Variants in NDST2 observed in about 807,000 individuals in gnomAD.
The protein encoded by NDST2 is N-deacetylase and N-sulfotransferase 2.
A neutral mutation model predicts 86.9 loss-of-function variants in NDST2; 32 were observed. The ratio of observed to expected loss-of-function variants is 0.37; its 90% CI spans 0.28 to 0.49. The LOEUF (loss-of-function observed/expected upper bound fraction) is 0.49, where lower values mean the gene tolerates loss of function less well. NDST2 is among the 20% of genes least tolerant of loss of function. The pLI is 0.97. For synonymous variants in NDST2, 409 were observed against 437.0 expected (o/e 0.94, Z 0.80); for missense variants, 950 against 1,146.9 (o/e 0.83, Z 2.48).
intron 1 of NDST2, among the ~76,000 whole-genome samples, chr10:73,811,238 GT>G (rs2084237710): frequency 6.6e-6 from 1 of 152,122 alleles, no homozygotes; most frequent in Non-Finnish European, 1.5e-5. Context: ...CGACTCCGGG[GT>G]GACATCGAGA....
In NDST2 at chr10:73,807,814, T is replaced by C. The variant is rs1163250528; in HGVS notation, c.575A>G (p.His192Arg). ...AQLKGFPLFL[H>R]SNLGLRDYQV... ...GTAGTCCCGGAGCCCCAAGTTTGAG[T>C]GTAAAAAAAGGGGAAAGCCCTTGAG... Residue 192 changes from histidine (H) to arginine (R), a missense_variant, in exon 3 of 15, where the codon CAC (histidine) becomes CGC (arginine). This residue lies in a region of NDST2 where 586 missense variants were observed against 714.0 expected (regional missense o/e 0.82). Transcript: ENST00000309979. 2 of 1,613,390 alleles carry C rather than the reference T, an allele frequency of 1.2e-6. No homozygotes were observed. Among genetic ancestry groups the C allele is most frequent in the Non-Finnish European group, 8.5e-7 (1 of 1,179,894 alleles).
chr10:73,808,032 A>C lies in NDST2; in HGVS notation c.357T>G (p.Pro119=). ...SRFRYSTELA[P]GRGDMPTLTD... is the part of the protein sequence containing the mutation. The stretch of plus-strand genomic sequence containing the variant: ...TCAATGTGGGCATGTCCCCTCGGCC[A>C]GGTGCCAACTCAGTGCTATAACGAA... The change falls in exon 3 of 15, where the codon CCT becomes CCG. Residue 119 remains proline, a synonymous_variant. Coordinates refer to ENST00000309979, the MANE Select transcript of NDST2 (RefSeq NM_003635.4). This position sits in a 1 kb window ranked among gnomAD's most constrained non-coding sequence, Gnocchi z 4.3. The C allele has an allele frequency of 6.2e-7, 1 of 1,614,134 alleles. No individual in the cohort carries two copies. The highest frequency in any genetic ancestry group is 8.5e-7 in the Non-Finnish European group (1 of 1,180,008).
At position 73,807,653 on chromosome 10, in the gene NDST2, GA is replaced by G; in HGVS notation, c.735del (p.Arg246GlyfsTer70). ...CCTGGCACTGCGGGCTCAGCTGGCC[GA>G]AGGCTGGCAAGAAGCACTGGTTCAT... ...STYEPVLLAS[L>X]RPAEPAVPGP... is the part of the protein sequence containing the mutation. On this transcript the variant is annotated frameshift_variant, in exon 3 of 15. Coordinates refer to ENST00000309979, the MANE Select transcript of NDST2 (RefSeq NM_003635.4). LOFTEE classifies it high-confidence loss of function. The G allele has an allele frequency of 6.2e-7, 1 of 1,614,234 alleles. No individual in the cohort carries two copies.
rs1363831402 is a variant in NDST2 at position 73,802,418 on chromosome 10, G to A, written c.*33C>T. The A allele has an allele frequency of 6.2e-7, 1 of 1,611,246 alleles. No homozygotes were observed. Among genetic ancestry groups the A allele is most frequent in the African/African-American group, 1.3e-5 (1 of 74,874 alleles). ...TCTGGACCTGCCCCTTAGGGAAGCA[G>A]GGGGCATTTTGCTGGTATGGGAGGC... On this transcript the variant is annotated 3_prime_UTR_variant, in exon 15 of 15. Coordinates refer to ENST00000309979, the MANE Select transcript of NDST2 (RefSeq NM_003635.4).
chr10:73,807,977 C>T lies in NDST2; in HGVS notation c.412G>A (p.Val138Ile). The T allele has an allele frequency of 6.2e-7, 1 of 1,614,272 alleles. No individual in the cohort carries two copies. Among genetic ancestry groups the T allele is most frequent in the Non-Finnish European group, 8.5e-7 (1 of 1,180,056 alleles). ...TACTTGAGCAGGTTCTCATAAATGA[C>T]CAAGACATAGCGGCCATGGGTATTA... Reference protein sequence around the residue: ...TDNTHGRYVLVIYENLLKYVN... With the variant: ...TDNTHGRYVLIIYENLLKYVN... The change falls in exon 3 of 15, where the codon GTC (valine) becomes ATC (isoleucine). Residue 138 changes from valine to isoleucine, a missense_variant. Around this residue, in one of 5 missense-constraint regions of NDST2, gnomAD observed 586 missense variants for 714.0 expected, o/e 0.82. Transcript: ENST00000309979.
At chr10:73,810,154 A>G (rs1350038026) in intron 2 of NDST2, among the ~76,000 whole-genome samples, 1 of 152,172 alleles carries the variant, frequency 6.6e-6, no homozygotes, top group African/African-American at 2.4e-5. Context: ...CAGAATTGAC[A>G]GAGATGATTT....
intron 2 of NDST2, chr10:73,810,563 G>T: frequency 5.6e-6 from 2 of 358,044 alleles, no homozygotes; most frequent in Admixed American, 4.7e-5. Context: ...TGACGGGAAG[G>T]GGTGAATGCT....
At chr10:73,804,086 T>A in intron 9 of NDST2, 70 bp from the exon 10 acceptor site, 1 of 1,559,958 alleles carries the variant, frequency 6.4e-7, no homozygotes, top group African/African-American at 1.4e-5. Context: ...AGCATAAGCT[T>A]GAAGGAAGTG....
chr10:73,806,168 C>CTACCCCCAATTATG lies in NDST2; in HGVS notation c.1434+107_1434+120dup, dbSNP rs2084098816. On this transcript the variant is annotated intron_variant, in intron 6 of 14. Coordinates refer to ENST00000309979, the MANE Select transcript of NDST2 (RefSeq NM_003635.4). The surrounding 1 kb of genome is among the most constrained non-coding windows in gnomAD (Gnocchi z 4.5). ...AGGGTGTTAAAATTTTTTCACCTTT[C>CTACCCCCAATTATG]TACCCCCAATTATGTACCCCCATAC... The CTACCCCCAATTATG allele has an allele frequency of 6.5e-7, 1 of 1,532,620 alleles. No individual in the cohort carries two copies. Among genetic ancestry groups the CTACCCCCAATTATG allele is most frequent in the Middle Eastern group, 2.2e-4 (1 of 4,544 alleles). The allele number at this position is 1,532,620 out of a possible 1,614,324, so 94.9% of individuals were successfully genotyped here. A position where few individuals can be genotyped will look rare whatever the true frequency, so the allele number is the denominator to read the frequency against.
In NDST2 at chr10:73,808,437, G is replaced by A; in HGVS notation, c.-49C>T. ...GAATGGGGACCACCTCAGGGGATGG[G>A]AGGTAGGAGTTCTATAGGCTAGGAC... On this transcript the variant is annotated 5_prime_UTR_variant, in exon 3 of 15. Transcript: ENST00000309979. The surrounding 1 kb of genome is among the most constrained non-coding windows in gnomAD (Gnocchi z 4.3). The A allele has an allele frequency of 2.6e-6, 4 of 1,512,946 alleles. No homozygotes were observed. The highest frequency in any genetic ancestry group is 3.6e-6 in the Non-Finnish European group (4 of 1,122,824). The allele number at this position is 1,512,946 out of a possible 1,614,324, so 93.7% of individuals were successfully genotyped here. A position where few individuals can be genotyped will look rare whatever the true frequency, so the allele number is the denominator to read the frequency against.
rs368269367 is a variant in NDST2 at position 73,807,636 on chromosome 10, T to A, written c.753A>T (p.Ala251=). 11 of 1,614,098 alleles carry A rather than the reference T, an allele frequency of 6.8e-6. No homozygotes were observed. Among genetic ancestry groups the A allele is most frequent in the Non-Finnish European group, 9.3e-6 (11 of 1,180,034 alleles). The change falls in exon 3 of 15, where the codon GCA becomes GCT. Residue 251 remains alanine, a synonymous_variant. Transcript: ENST00000309979. ...CCCGACGAAGAACTGGTCCTGGCAC[T>A]GCGGGCTCAGCTGGCCGAAGGCTGG... ...LLASLRPAEP[A]VPGPVLRRAR... is the part of the protein sequence containing the mutation.
At chr10:73,803,166 G>A in intron 12 of NDST2, 23 bp downstream of exon 12, 2 of 1,613,888 alleles carry the variant, frequency 1.2e-6, no homozygotes, top group Non-Finnish European at 1.7e-6. Flanking sequence ...GAACCCCACT[G>A]AGGGCTCTTG....
Position 73,802,503 on chromosome 10 carries a change from T to C in NDST2, c.2600A>G (p.Gln867Arg). The C allele has an allele frequency of 1.9e-6, 3 of 1,613,982 alleles. No individual in the cohort carries two copies. The highest frequency in any genetic ancestry group is 2.5e-6 in the Non-Finnish European group (3 of 1,180,034). ...ELSKLLSRLG[Q>R]PVPSWLREEL... ...TTCCCGAAGCCACGAGGGCACTGGC[T>C]GTCCAAGCCGGCTCAGCAGCTTCGA... The change falls in exon 15 of 15, where the codon CAG becomes CGG. Residue 867 changes from glutamine to arginine, a missense_variant. Coordinates refer to ENST00000309979, the MANE Select transcript of NDST2 (RefSeq NM_003635.4).
chr10:73,802,886 G>A (rs756783058), intron 13 of NDST2, 86 bp downstream of exon 13: 16 of 1,499,166 alleles, frequency 1.1e-5, no homozygotes, highest in Non-Finnish European at 1.2e-5. Flanking sequence ...TTGTGAGACA[G>A]AGTAAATCTA....
At chr10:73,803,519 T>TGGGGTGGGG in intron 11 of NDST2, 55 bp downstream of exon 11, 1 of 565,898 alleles carries the variant, frequency 1.8e-6, no homozygotes, top group Non-Finnish European at 3.4e-6. Context: ...GCAGTCACTG[T>TGGGGTGGGG]CCCCTCCCCC....
chr10:73,804,986 C>T (rs527967414), intron 8 of NDST2, 117 bp from the exon 9 acceptor site: 8 of 539,856 alleles, frequency 1.5e-5, no homozygotes, highest in Admixed American at 9.8e-5. Context: ...CTGCAACCTC[C>T]GCCTCCTGGG....
chr10:73,809,374 C>G (rs2084159520), intron 2 of NDST2, among the ~76,000 whole-genome samples: 1 of 152,202 alleles, frequency 6.6e-6, no homozygotes, highest in African/African-American at 2.4e-5. Flanking sequence ...TTACCCGTTG[C>G]TTGTGAAACA....
At chr10:73,804,104 A>C in intron 9 of NDST2, 88 bp from the exon 10 acceptor site, 1 of 1,510,720 alleles carries the variant, frequency 6.6e-7, no homozygotes. Context: ...GTGAAAAAAT[A>C]ACCACTCTGG....
intron 9 of NDST2, among the ~76,000 whole-genome samples, chr10:73,804,569 G>A (rs1214662518): frequency 6.6e-6 from 1 of 152,084 alleles, no homozygotes; most frequent in Non-Finnish European, 1.5e-5. Flanking sequence ...CCTGGGAGGT[G>A]GAGGTTGTAG....
Sources: allele counts gnomAD v4.1 joint callset (sites outside exome capture counted in the v4.1 genomes callset), GRCh38; gene constraint gnomAD v4.1.1; regional missense constraint gnomAD v4.1.1; non-coding constraint Gnocchi (gnomAD v3.1); transcripts MANE v1.5; gene names NCBI Gene and HGNC (gene_info 2026-07-23, HGNC 2026-07-21).